The following COQ7 variants were observed in gnomAD, a reference collection of about 807,000 sequenced individuals.
COQ7 encodes the protein coenzyme Q7, hydroxylase, also known as NADPH-dependent 3-demethoxyubiquinone 3-hydroxylase, mitochondrial.
A neutral mutation model predicts 25.0 loss-of-function variants in COQ7; 21 were observed. The observed-to-expected ratio is 0.84, with a 90% CI of 0.60 to 1.21. The LOEUF is 1.21. Ranked by LOEUF, COQ7 falls within the 50% of genes most tolerant of loss-of-function variation. The probability of loss-of-function intolerance (pLI) is 0.00; values close to 1 mark genes in which losing one functional copy is unlikely to be tolerated. For missense variants in COQ7, 311 were observed against 296.2 expected, an observed-to-expected ratio of 1.05 and a Z score of -0.37; for synonymous variants, 125 against 112.4, an observed-to-expected ratio of 1.11 and a Z score of -0.71.
Position 19,074,038 on chromosome 16 carries a change from A to C in COQ7, c.367+3A>C, listed in dbSNP as rs1403421111. 1 of 1,608,452 alleles carries C rather than the reference A, an allele frequency of 6.2e-7. No homozygotes were observed. ...GAACGTGCTGGGGTTTGCACTGGGTACGTGTCTCTCTAGAAGAGCTTATGC... is the reference window on the plus strand; with the variant it reads ...GAACGTGCTGGGGTTTGCACTGGGTCCGTGTCTCTCTAGAAGAGCTTATGC... On this transcript the variant is annotated splice_donor_region_variant and intron_variant, in intron 3 of 5. Coordinates refer to ENST00000321998, the MANE Select transcript of COQ7 (RefSeq NM_016138.5).
At chr16:19,074,320 T>TC in intron 3 of COQ7, among the ~76,000 whole-genome samples, 1 of 151,910 alleles carries the variant, frequency 6.6e-6, no homozygotes, top group Non-Finnish European at 1.5e-5. Flanking sequence ...GGTCAGGAGT[T>TC]CGAGACCAGC....
intron 1 of COQ7, chr16:19,068,951 C>T (rs759169452): frequency 4.8e-6 from 2 of 420,340 alleles, no homozygotes; most frequent in Non-Finnish European, 9.5e-6. Context: ...CTTTCTGTTA[C>T]AAAGGGGAAA....
At chr16:19,074,555 C>A (rs903836023) in intron 3 of COQ7, among the ~76,000 whole-genome samples, 3 of 151,530 alleles carry the variant, frequency 2.0e-5, no homozygotes, top group Non-Finnish European at 4.4e-5. Context: ...CAAAAAAAAA[C>A]AAACCAGAGC....
At chr16:19,071,301 A>G (rs1237015687) in intron 1 of COQ7, among the ~76,000 whole-genome samples, 2 of 152,132 alleles carry the variant, frequency 1.3e-5, no homozygotes, top group Non-Finnish European at 2.9e-5. Context: ...ACACCCAGCT[A>G]AATTTTGTAT....
chr16:19,077,349 T>C lies in COQ7; in HGVS notation c.551T>C (p.Ile184Thr), dbSNP rs1428979459. The C allele has an allele frequency of 6.2e-7, 1 of 1,614,116 alleles. No homozygotes were observed. Among genetic ancestry groups the C allele is most frequent in the African/African-American group, 1.3e-5 (1 of 75,034 alleles). Residue 184 changes from isoleucine (I) to threonine (T), a missense_variant, in exon 5 of 6, where the codon ATA (isoleucine) becomes ACA (threonine). Transcript: ENST00000321998. ...FRDEELEHHD[I>T]GLDHDAELAP... ...GATGAAGAGCTTGAGCACCATGACA[T>C]AGGCCTCGACCATGATGCAGAATTG...
At chr16:19,076,142 A>G (rs1178170486) in intron 4 of COQ7, among the ~76,000 whole-genome samples, 2 of 152,044 alleles carry the variant, frequency 1.3e-5, no homozygotes, top group Non-Finnish European at 2.9e-5. Context: ...GCCGGAGTAC[A>G]GTGGCACAGT....
At chr16:19,076,585 C>CTTT (rs67725348) in intron 4 of COQ7, among the ~76,000 whole-genome samples, 4 of 80,510 alleles carry the variant, frequency 5.0e-5, no homozygotes, top group Non-Finnish European at 7.1e-5. Context: ...GTGCTGTTCA[C>CTTT]TTTTTTTTTT....
At chr16:19,067,912 T>C in intron 1 of COQ7, 175 bp downstream of exon 1, 1 of 1,483,238 alleles carries the variant, frequency 6.7e-7, no homozygotes, top group South Asian at 1.4e-5. Flanking sequence ...GCGGGGTCTG[T>C]AGTTAGCGGC....
At position 19,079,401 on chromosome 16, in the gene COQ7, C is replaced by G. The variant is rs888671753; in HGVS notation, c.*1243C>G. Reference sequence around the variant, plus strand: ...TCCTTAAGGTCTTTTACCACCTCCCCCCCAAAAAAATCCCCCAAAACTGAT... The same window carrying G: ...TCCTTAAGGTCTTTTACCACCTCCCGCCCAAAAAAATCCCCCAAAACTGAT... On this transcript the variant is annotated 3_prime_UTR_variant, in exon 6 of 6. Coordinates refer to ENST00000321998, the MANE Select transcript of COQ7 (RefSeq NM_016138.5). The G allele has an allele frequency of 6.6e-6, 1 of 151,448 alleles. No individual in the cohort carries two copies. Among genetic ancestry groups the G allele is most frequent in the Non-Finnish European group, 1.5e-5 (1 of 67,928 alleles). 9.4% of individuals were successfully genotyped at this position (151,448 alleles called of 1,614,324 possible). A position where few individuals can be genotyped will look rare whatever the true frequency, so the allele number is the denominator to read the frequency against.
intron 1 of COQ7, chr16:19,068,411 G>A: frequency 3.0e-6 from 3 of 988,530 alleles, no homozygotes; most frequent in Non-Finnish European, 3.6e-6. Context: ...CAGCACTTTG[G>A]GAGGCCGAGG....
At chr16:19,081,583 TTAA>T (rs1407002019), downstream of COQ7, among the ~76,000 whole-genome samples, 1 of 152,218 alleles carries the variant, frequency 6.6e-6, no homozygotes, top group African/African-American at 2.4e-5. Context: ...GGGCTTGACT[TTAA>T]AAAGTCTTTT....
intron 4 of COQ7, among the ~76,000 whole-genome samples, chr16:19,076,493 G>C (rs1962847392): frequency 6.6e-6 from 1 of 150,748 alleles, no homozygotes; most frequent in South Asian, 2.1e-4. Context: ...GTCCAGATTG[G>C]TCTTGAGCTC....
intron 1 of COQ7, chr16:19,068,197 G>T: frequency 9.8e-7 from 1 of 1,025,510 alleles, no homozygotes. Flanking sequence ...GACCTACTTG[G>T]TCGGTATCTG....
intron 2 of COQ7, among the ~76,000 whole-genome samples, chr16:19,072,750 G>A (rs1962627857): frequency 6.6e-6 from 1 of 152,192 alleles, no homozygotes; most frequent in Admixed American, 6.5e-5. Flanking sequence ...GTCATAGTGT[G>A]TCCTTCACAG....
rs75146588 is a variant in COQ7, at chr16:19,070,530, C to T, written c.74-1398C>T. Among the ~76,000 whole-genome samples the T allele has an allele frequency of 2.0e-5, 3 of 151,836 alleles. No individual in the cohort carries two copies. The South Asian group carries it at 6.3e-4, about 32-fold the overall frequency. On this transcript the variant is annotated intron_variant, in intron 1 of 5. Transcript: ENST00000321998. ...GGAGGATTGCTTGAGCTCAGGAGTT[C>T]GAGACCAGCCTGGGCAACATGGTGA...
At chr16:19,067,996 G>C in intron 1 of COQ7, 1 of 1,360,322 alleles carries the variant, frequency 7.4e-7, no homozygotes, top group East Asian at 3.0e-5. Context: ...CCTGTGCAGT[G>C]ATGTCACGGC....
chr16:19,076,929 T>C (rs1962876855), intron 4 of COQ7, among the ~76,000 whole-genome samples: 1 of 152,186 alleles, frequency 6.6e-6, no homozygotes. Context: ...GCAGATGCTG[T>C]GAGCAGGAAC....
chr16:19,071,984 A>C lies in COQ7; in HGVS notation c.130A>C (p.Ile44Leu), dbSNP rs1415530697. The C allele has an allele frequency of 6.2e-7, 1 of 1,614,266 alleles. No homozygotes were observed. Among genetic ancestry groups the C allele is most frequent in the Admixed American group, 1.7e-5 (1 of 60,026 alleles). Residue 44 changes from isoleucine (I) to leucine (L), a missense_variant, in exon 2 of 6, where the codon ATC becomes CTC. Ile to Leu is a conservative substitution (Grantham distance 5). Transcript: ENST00000321998. ...CAGTTCAGGAATGACTTTAGACAAT[A>C]TCAGTCGGGCAGCTGTGGATCGAAT... ...FRSSGMTLDN[I>L]SRAAVDRIIR...
Position 19,073,940 on chromosome 16 carries a change from A to T in COQ7, c.272A>T (p.Lys91Met). 1 of 1,613,738 alleles carries T rather than the reference A, an allele frequency of 6.2e-7. No homozygotes were observed. The highest frequency in any genetic ancestry group is 8.5e-7 in the Non-Finnish European group (1 of 1,179,758). Residue 91 changes from lysine to methionine, a missense_variant, in exon 3 of 6, where the codon AAG becomes ATG. Lys to Met is a moderately conservative substitution (Grantham distance 95). Transcript: ENST00000321998. ...PVIQKMWDQE[K>M]DHLKKFNELM... ...TTGCAGAAAATGTGGGATCAAGAAA[A>T]GGACCATTTGAAAAAGTTCAATGAG...
Sources: gnomAD v4.1 joint callset for allele counts (sites outside exome capture counted in the v4.1 genomes callset) on GRCh38, gnomAD v4.1.1 for gene constraint, MANE v1.5 for transcripts, NCBI Gene and HGNC (gene_info 2026-07-23, HGNC 2026-07-21) for gene names.